The following CREG1 variants were observed in gnomAD, a reference collection of about 807,000 sequenced individuals.
CREG1 encodes the protein protein CREG1.
Under a neutral mutation model 19.9 loss-of-function variants are expected in CREG1, and 20 were observed. The ratio of observed to expected loss-of-function variants is 1.01; its 90% CI spans 0.71 to 1.46. The LOEUF is 1.46. Among genes scored for constraint, CREG1 ranks in the 40% most tolerant of loss-of-function variants. CREG1 has a pLI of 0.00. For synonymous variants in CREG1, 141 were observed against 143.3 expected (o/e 0.98, Z 0.12); for missense variants, 290 against 314.9 (o/e 0.92, Z 0.60).
Position 167,551,118 on chromosome 1 carries a change from A to G in CREG1, c.354+2270T>C, listed in dbSNP as rs193274354. Among the ~76,000 whole-genome samples the G allele has an allele frequency of 1.6e-3, 251 of 152,356 alleles. 1 individual carries two copies. Among genetic ancestry groups the G allele is most frequent in the African/African-American group, 5.8e-3 (240 of 41,592 alleles). On this transcript the variant is annotated intron_variant, in intron 1 of 3. Transcript: ENST00000370509. ...CAACACTGTCCTACAGACATTTACT[A>G]TACAAAAATGCCACAAAGAAAGAGA...
At position 167,547,444 on chromosome 1, in the gene CREG1, A is replaced by G. The variant is rs143058352; in HGVS notation, c.474+558T>C. Among the ~76,000 whole-genome samples, 917 of 152,306 alleles carry G rather than the reference A, an allele frequency of 6.0e-3. 7 individuals carry two copies. The highest frequency in any genetic ancestry group is 7.4e-3 in the Non-Finnish European group (502 of 68,030). ...TAGTAAGAATAACTTTATATACAGG[A>G]GCTTCATAGTTGTTACATCTGCTTG... On this transcript the variant is annotated intron_variant, in intron 2 of 3. Transcript: ENST00000370509.
intron 2 of CREG1, 89 bp downstream of exon 2, chr1:167,547,913 T>C (rs747165960): frequency 1.7e-5 from 25 of 1,429,856 alleles, no homozygotes; most frequent in Non-Finnish European, 2.2e-5. Flanking sequence ...AGAGTGAGAC[T>C]CTGTCTCAAA....
At chr1:167,551,940 A>T (rs1004790124) in intron 1 of CREG1, among the ~76,000 whole-genome samples, 1 of 152,254 alleles carries the variant, frequency 6.6e-6, no homozygotes, top group Non-Finnish European at 1.5e-5. Flanking sequence ...GCAGGCCCAC[A>T]GTGTCACTGG....
At chr1:167,542,406 A>G in intron 3 of CREG1, 105 bp from the exon 4 acceptor site, 1 of 1,130,186 alleles carries the variant, frequency 8.8e-7, no homozygotes, top group Non-Finnish European at 1.3e-6. Context: ...GATCTAAATT[A>G]AGATTTTCAG....
In CREG1 at chr1:167,541,152, T is replaced by C. The variant is rs770823898; in HGVS notation, c.*1146A>G. On this transcript the variant is annotated 3_prime_UTR_variant, in exon 4 of 4. Coordinates refer to ENST00000370509, the MANE Select transcript of CREG1 (RefSeq NM_003851.3). The stretch of plus-strand genomic sequence containing the variant: ...TTCACTTTGCAGTTTTCAGACACAA[T>C]GACTCATATTCAACTTTTCTCTTTA... 3.3e-5 allele frequency: 5 copies of C among 152,242 alleles called. No homozygotes were observed. The highest frequency in any genetic ancestry group is 1.5e-5 in the Non-Finnish European group (1 of 68,038). 9.4% of individuals were successfully genotyped at this position (152,242 alleles called of 1,614,324 possible). A position where few individuals can be genotyped will look rare whatever the true frequency, so the allele number is the denominator to read the frequency against.
In CREG1 at chr1:167,553,690, C is replaced by G; in HGVS notation, c.52G>C (p.Ala18Pro). Residue 18 changes from alanine (A) to proline (P), a missense_variant, in exon 1 of 4, where the codon GCG (alanine) becomes CCG (proline). Physicochemically the swap from Ala to Pro is conservative, Grantham distance 27. Coordinates refer to ENST00000370509, the MANE Select transcript of CREG1 (RefSeq NM_003851.3). ...ACGAGCAGCGCCAACAGCGTCGACG[C>G]CAGCAGGGCGGCGAGCAGTGCGCGC... ...SARALLAALL[A>P]STLLALLVSP... 7.6e-7 allele frequency: 1 copy of G among 1,315,888 alleles called. No individual in the cohort carries two copies. The highest frequency in any genetic ancestry group is 9.6e-7 in the Non-Finnish European group (1 of 1,038,868). 81.5% of individuals were successfully genotyped at this position (1,315,888 alleles called of 1,614,324 possible).
chr1:167,546,040 T>G, intron 3 of CREG1, 61 bp downstream of exon 3: 1 of 1,462,560 alleles, frequency 6.8e-7, no homozygotes, highest in Admixed American at 2.3e-5. Context: ...CCCCTTGCCT[T>G]AGAAGGCTGA....
chr1:167,551,830 G>A (rs538906519), intron 1 of CREG1, among the ~76,000 whole-genome samples: 1 of 152,290 alleles, frequency 6.6e-6, no homozygotes, highest in East Asian at 1.9e-4. Flanking sequence ...TTGAGCAAAC[G>A]CCTAAAGGTG....
At chr1:167,545,962 T>C (rs762557046) in intron 3 of CREG1, 139 bp downstream of exon 3, 2 of 509,270 alleles carry the variant, frequency 3.9e-6, no homozygotes, top group Non-Finnish European at 7.0e-6. Context: ...TAAAACATTA[T>C]TCTGAGAAGG....
rs1372857642 is a variant in CREG1, at chr1:167,541,891, T to G, written c.*407A>C. On this transcript the variant is annotated 3_prime_UTR_variant, in exon 4 of 4. Transcript: ENST00000370509. ...CTCAGGAGGCAGCTGTGGTGAGTGA[T>G]GCACTCTACCAAGCACAGTGGCTTC... 19 of 156,262 alleles carry G rather than the reference T, an allele frequency of 1.2e-4. No individual in the cohort carries two copies. In the Admixed American group the frequency reaches 1.2e-3, roughly 10 times the overall value. 9.7% of individuals were successfully genotyped at this position (156,262 alleles called of 1,614,324 possible).
rs867377808 is a variant in CREG1, at chr1:167,551,521, C to G, written c.354+1867G>C. On this transcript the variant is annotated intron_variant, in intron 1 of 3. Transcript: ENST00000370509. ...ACCTGACAGCCATTAGCTGACTGGT[C>G]ACAGGGTAAGTCCCTGCACCTCTGA... is the stretch of plus-strand genomic sequence containing the variant. 3.9e-5 allele frequency among the ~76,000 whole-genome samples: 6 copies of G among 152,192 alleles called. No individual in the cohort carries two copies. The South Asian group carries it at 1.2e-3, about 31-fold the overall frequency.
chr1:167,552,684 G>A (rs1443533325), intron 1 of CREG1, among the ~76,000 whole-genome samples: 4 of 152,228 alleles, frequency 2.6e-5, no homozygotes, highest in Non-Finnish European at 5.9e-5. Context: ...AAGAGAGTGA[G>A]AAACCCTGAA....
At chr1:167,542,974 G>A (rs961040129) in intron 3 of CREG1, among the ~76,000 whole-genome samples, 1 of 152,172 alleles carries the variant, frequency 6.6e-6, no homozygotes, top group African/African-American at 2.4e-5. Context: ...TTGGGCGGGC[G>A]CGGTGGCTCA....
chr1:167,543,622 A>G (rs1216579518), intron 3 of CREG1, among the ~76,000 whole-genome samples: 1 of 152,178 alleles, frequency 6.6e-6, no homozygotes, highest in Non-Finnish European at 1.5e-5. Flanking sequence ...CCGGACTATT[A>G]AACAGCTCTG....
chr1:167,548,466 A>G (rs1380671893), intron 1 of CREG1, among the ~76,000 whole-genome samples: 2 of 143,562 alleles, frequency 1.4e-5, no homozygotes, highest in African/African-American at 4.9e-5. Context: ...TGAAAGATTT[A>G]AAGGGTTAAA....
chr1:167,549,651 G>A (rs112893569), intron 1 of CREG1, among the ~76,000 whole-genome samples: 5,770 of 151,952 alleles, frequency 0.038, 369 homozygotes, highest in African/African-American at 0.13. Context: ...CCAAAGTGCT[G>A]GGATTACAGG....
chr1:167,548,962 G>C (rs751859295), intron 1 of CREG1, among the ~76,000 whole-genome samples: 3 of 152,192 alleles, frequency 2.0e-5, no homozygotes, highest in Non-Finnish European at 4.4e-5. Context: ...CTCTCCCTCC[G>C]TGAGTTTATA....
rs925074217 is a variant in CREG1 at position 167,553,701 on chromosome 1, G to T, written c.41C>A (p.Ala14Asp). 5.4e-6 allele frequency: 7 copies of T among 1,307,728 alleles called. No homozygotes were observed. The highest frequency in any genetic ancestry group is 3.1e-5 in the East Asian group (1 of 32,152). The allele number at this position is 1,307,728 out of a possible 1,614,324, so 81.0% of individuals were successfully genotyped here. The part of the protein sequence containing the change: ...LSRGSARALL[A>D]ALLASTLLAL... ...CAACAGCGTCGACGCCAGCAGGGCG[G>T]CGAGCAGTGCGCGCGCGGACCCGCG... Residue 14 changes from alanine to aspartate, a missense_variant, in exon 1 of 4, where the codon GCC becomes GAC. By Grantham distance (126) the Ala-to-Asp change is moderately radical. Transcript: ENST00000370509.
rs776233790 is a variant in CREG1, at chr1:167,548,019, A to G, written c.457T>C (p.Ser153Pro). ...QSPLCVHIML[S>P]GTVTKVNETE... ...CTACTTACCTTGGTCACAGTTCCTG[A>G]CAGCATTATGTGAACACAAAGGGGA... Residue 153 changes from serine to proline, a missense_variant, in exon 2 of 4, where the codon TCA (serine) becomes CCA (proline). By Grantham distance (74) the Ser-to-Pro change is moderately conservative. Transcript: ENST00000370509. 2.2e-5 allele frequency: 35 copies of G among 1,613,120 alleles called. No individual in the cohort carries two copies. Among genetic ancestry groups the G allele is most frequent in the Non-Finnish European group, 2.9e-5 (34 of 1,179,220 alleles).
Sources: allele counts gnomAD v4.1 joint callset (sites outside exome capture counted in the v4.1 genomes callset), GRCh38; gene constraint gnomAD v4.1.1; transcripts MANE v1.5; gene names NCBI Gene and HGNC (gene_info 2026-07-23, HGNC 2026-07-21).